PDE10A: variants seen among roughly 807,000 people sequenced by gnomAD.
PDE10A encodes phosphodiesterase 10A.
In PDE10A, 39 loss-of-function variants were observed where a neutral mutation model predicts 97.7. The observed-to-expected ratio is 0.40, with a 90% CI of 0.31 to 0.52. PDE10A has a LOEUF of 0.52. Ranked by LOEUF, PDE10A falls within the 20% of genes least tolerant of loss-of-function variation. The pLI, the probability that PDE10A is intolerant of heterozygous loss-of-function variation, is 0.56. For synonymous variants in PDE10A, 371 were observed against 376.8 expected, an observed-to-expected ratio of 0.98 and a Z score of 0.18; for missense variants, 731 against 1,047.8, an observed-to-expected ratio of 0.70 and a Z score of 4.17.
intron 1 of PDE10A, among the ~76,000 whole-genome samples, chr6:165,845,051 A>G (rs1188381082): frequency 1.3e-5 from 2 of 152,252 alleles, no homozygotes; most frequent in Non-Finnish European, 2.9e-5. Context: ...TAAAGAAGCG[A>G]TATAATTCTG....
intron 1 of PDE10A, among the ~76,000 whole-genome samples, chr6:165,938,077 G>A (rs937543603): frequency 6.6e-6 from 1 of 152,184 alleles, no homozygotes; most frequent in Non-Finnish European, 1.5e-5. Context: ...CAGTATCAAA[G>A]GTCTAAATAT....
intron 1 of PDE10A, among the ~76,000 whole-genome samples, chr6:165,783,962 G>A (rs1778415343): frequency 6.6e-6 from 1 of 152,174 alleles, no homozygotes; most frequent in Non-Finnish European, 1.5e-5. Flanking sequence ...GCTCACGCAT[G>A]TAATCTCAGC....
chr6:165,531,709 GTTGA>G (rs1194022497), intron 2 of PDE10A, among the ~76,000 whole-genome samples: 3 of 152,084 alleles, frequency 2.0e-5, no homozygotes, highest in South Asian at 2.1e-4. Flanking sequence ...GCATTTATGT[GTTGA>G]TTATTATCTC....
chr6:165,741,417 T>C (rs3008008), intron 1 of PDE10A, among the ~76,000 whole-genome samples: 62,774 of 151,996 alleles, frequency 0.41, 13,449 homozygotes, highest in Middle Eastern at 0.57. Flanking sequence ...TAGCATTCCA[T>C]ATTTATTAGA....
intron 13 of PDE10A, among the ~76,000 whole-genome samples, chr6:165,401,247 A>G (rs12210832): frequency 1.3e-3 from 205 of 152,302 alleles, no homozygotes; most frequent in Non-Finnish European, 2.2e-3. Context: ...TATACATGAC[A>G]TATAAATTTC....
chr6:165,339,159 T>C (rs1781825881), intron 20 of PDE10A, 119 bp downstream of exon 20: 2 of 753,302 alleles, frequency 2.7e-6, no homozygotes. Context: ...CAGATCTGCC[T>C]GGAATAACCC....
chr6:165,967,443 G>C (rs966328547), intron 1 of PDE10A, among the ~76,000 whole-genome samples: 19 of 152,198 alleles, frequency 1.2e-4, no homozygotes, highest in African/African-American at 4.3e-4. Flanking sequence ...GTTGCAGTGA[G>C]CCAAGACTGT....
chr6:165,404,301 C>T (rs189467341), intron 13 of PDE10A, among the ~76,000 whole-genome samples: 43 of 152,162 alleles, frequency 2.8e-4, no homozygotes, highest in Admixed American at 3.3e-4. Context: ...TTGAGGCTCC[C>T]GGATGTGAAG....
intron 1 of PDE10A, among the ~76,000 whole-genome samples, chr6:165,936,626 A>G (rs1314723885): frequency 1.3e-5 from 2 of 152,196 alleles, no homozygotes; most frequent in Admixed American, 1.3e-4. Context: ...AATGCAAACA[A>G]TGGGAGACAA....
At position 165,704,188 on chromosome 6, in the gene PDE10A, C is replaced by T. The variant is rs533096481; in HGVS notation, c.-614-160620G>A. 3.9e-5 allele frequency among the ~76,000 whole-genome samples: 6 copies of T among 152,246 alleles called. No homozygotes were observed. The South Asian group carries it at 1.0e-3, about 26-fold the overall frequency. On this transcript the variant is annotated intron_variant, in intron 1 of 19. Transcript: ENST00000366882. ...CAAAAACTGTGGGTGTTGTTGGCTGCGGTCCTTGAACAATACCCACAGCCA... is the reference window on the plus strand; with the variant it reads ...CAAAAACTGTGGGTGTTGTTGGCTGTGGTCCTTGAACAATACCCACAGCCA...
chr6:165,592,145 A>G (rs955765234), intron 1 of PDE10A, among the ~76,000 whole-genome samples: 10 of 152,222 alleles, frequency 6.6e-5, no homozygotes, highest in African/African-American at 1.9e-4. Context: ...GGCCTCAGAA[A>G]TAACGCCACA....
intron 3 of PDE10A, among the ~76,000 whole-genome samples, chr6:165,477,862 C>T (rs73247718): frequency 0.012 from 1,810 of 152,246 alleles, 34 homozygotes; most frequent in African/African-American, 0.041. Flanking sequence ...TGCTGACAAA[C>T]TTTTTGGTCT....
intron 2 of PDE10A, among the ~76,000 whole-genome samples, chr6:165,516,654 G>A (rs1027321998): frequency 1.3e-5 from 2 of 152,202 alleles, no homozygotes; most frequent in African/African-American, 4.8e-5. Context: ...GGATAAAAGA[G>A]TGAGGTTAAC....
intron 1 of PDE10A, among the ~76,000 whole-genome samples, chr6:165,743,331 G>A (rs945537346): frequency 2.6e-5 from 4 of 152,078 alleles, no homozygotes; most frequent in African/African-American, 7.2e-5. Context: ...AACATCTTAC[G>A]TAACCATGGT....
intron 2 of PDE10A, among the ~76,000 whole-genome samples, chr6:165,495,340 G>C (rs1175838453): frequency 1.3e-5 from 2 of 151,854 alleles, no homozygotes; most frequent in Non-Finnish European, 2.9e-5. Flanking sequence ...AGAAGGAGAG[G>C]GGGTGGAGGG....
At chr6:165,668,121 T>C (rs1790541961), upstream of PDE10A, among the ~76,000 whole-genome samples, 1 of 152,294 alleles carries the variant, frequency 6.6e-6, no homozygotes, top group East Asian at 1.9e-4. Flanking sequence ...ATAAAAGCAG[T>C]GTGAGATAAT....
intron 1 of PDE10A, among the ~76,000 whole-genome samples, chr6:165,672,242 G>A (rs1250036907): frequency 6.6e-6 from 1 of 152,162 alleles, no homozygotes; most frequent in Non-Finnish European, 1.5e-5. Flanking sequence ...CTTTAAGCCT[G>A]CCAAAAACCT....
intron 1 of PDE10A, among the ~76,000 whole-genome samples, chr6:165,578,847 C>G (rs1785460664): frequency 6.6e-6 from 1 of 152,176 alleles, no homozygotes. Context: ...GGAAGACCGA[C>G]CACAAACAGC....
chr6:165,805,442 G>A (rs1002901338), intron 1 of PDE10A, among the ~76,000 whole-genome samples: 2 of 152,122 alleles, frequency 1.3e-5, no homozygotes, highest in African/African-American at 4.8e-5. Context: ...GTTTGAAAGT[G>A]GGAAAGCCCC....
Sources: allele counts gnomAD v4.1 joint callset (sites outside exome capture counted in the v4.1 genomes callset), GRCh38; gene constraint gnomAD v4.1.1; transcripts MANE v1.5; gene names NCBI Gene and HGNC (gene_info 2026-07-23, HGNC 2026-07-21).